WWOX: variants seen among roughly 807,000 people sequenced by gnomAD.
The protein encoded by WWOX is WW domain-containing oxidoreductase.
Under a neutral mutation model 46.2 loss-of-function variants are expected in WWOX, and 69 were observed. That is an observed-to-expected ratio of 1.49 (90% CI 1.23 to 1.82). The LOEUF is 1.82. Among genes scored for constraint, WWOX ranks in the 40% most tolerant of loss-of-function variants. The pLI, the probability that WWOX is intolerant of heterozygous loss-of-function variation, is 0.00. For missense variants in WWOX, 919 were observed against 542.6 expected, an observed-to-expected ratio of 1.69 and a Z score of -6.89; for synonymous variants, 359 against 202.6, an observed-to-expected ratio of 1.77 and a Z score of -6.56.
At chr16:78,144,594 T>C (rs1359802332) in intron 4 of WWOX, among the ~76,000 whole-genome samples, 4 of 144,096 alleles carry the variant, frequency 2.8e-5, no homozygotes, top group Non-Finnish European at 4.5e-5. Context: ...CGATCTGAGC[T>C]CACTGCAACC....
At chr16:78,406,346 A>G (rs1333079404) in intron 6 of WWOX, among the ~76,000 whole-genome samples, 1 of 80,432 alleles carries the variant, frequency 1.2e-5, no homozygotes, top group South Asian at 3.2e-4. Flanking sequence ...ATATATATAT[A>G]TATATATATT....
intron 8 of WWOX, among the ~76,000 whole-genome samples, chr16:78,718,985 G>T (rs531412514): frequency 1.2e-3 from 176 of 152,144 alleles, no homozygotes; most frequent in African/African-American, 3.8e-3. Context: ...TTTTGAGTCT[G>T]TAAGATCCCA....
chr16:78,923,340 A>G (rs1199496927), intron 8 of WWOX, among the ~76,000 whole-genome samples: 1 of 152,122 alleles, frequency 6.6e-6, no homozygotes, highest in Non-Finnish European at 1.5e-5. Context: ...TCACCAGAAT[A>G]TCATCATTAT....
intron 5 of WWOX, among the ~76,000 whole-genome samples, chr16:78,330,783 A>G (rs942674720): frequency 2.0e-5 from 3 of 152,164 alleles, no homozygotes; most frequent in African/African-American, 7.2e-5. Context: ...TCTTTCAGTC[A>G]CCCTCAAAGG....
chr16:78,478,052 C>T (rs1043835617), intron 8 of WWOX, among the ~76,000 whole-genome samples: 3 of 151,980 alleles, frequency 2.0e-5, no homozygotes, highest in Non-Finnish European at 4.4e-5. Context: ...AAGAAATATT[C>T]GTAATCAATA....
chr16:78,315,502 T>A (rs1344494520), intron 5 of WWOX, among the ~76,000 whole-genome samples: 1 of 151,892 alleles, frequency 6.6e-6, no homozygotes. Context: ...ATATAAAAAT[T>A]GGCTGGGCAT....
chr16:78,244,107 C>T (rs1283004550), intron 5 of WWOX, among the ~76,000 whole-genome samples: 1 of 152,190 alleles, frequency 6.6e-6, no homozygotes, highest in Non-Finnish European at 1.5e-5. Flanking sequence ...TCTTGGCTCT[C>T]CTGTTTTCTG....
At chr16:78,377,328 T>A (rs1458664740) in intron 5 of WWOX, among the ~76,000 whole-genome samples, 4 of 152,234 alleles carry the variant, frequency 2.6e-5, no homozygotes, top group African/African-American at 9.6e-5. Flanking sequence ...TGCTGAAGGA[T>A]TCTTTATCAT....
intron 8 of WWOX, among the ~76,000 whole-genome samples, chr16:78,873,784 C>T (rs772710634): frequency 6.6e-6 from 1 of 152,024 alleles, no homozygotes; most frequent in Admixed American, 6.6e-5. Context: ...GAGACCCTGC[C>T]TCAAAAAGTA....
chr16:79,107,517 G>T (rs2049334709), intron 8 of WWOX, among the ~76,000 whole-genome samples: 1 of 152,222 alleles, frequency 6.6e-6, no homozygotes, highest in Non-Finnish European at 1.5e-5. Context: ...AGCACAGTGT[G>T]AAATGACTGC....
intron 8 of WWOX, among the ~76,000 whole-genome samples, chr16:78,478,338 G>T (rs1023900636): frequency 6.6e-6 from 1 of 152,100 alleles, no homozygotes; most frequent in African/African-American, 2.4e-5. Context: ...TCCCTTAAAT[G>T]ATGTTTTTAA....
chr16:78,403,663 G>A (rs539840960), intron 6 of WWOX, among the ~76,000 whole-genome samples: 1 of 152,158 alleles, frequency 6.6e-6, no homozygotes, highest in Non-Finnish European at 1.5e-5. Context: ...CATCCCCCCT[G>A]TGCCAGGCCC....
chr16:78,581,186 C>A (rs1392380110), intron 8 of WWOX, among the ~76,000 whole-genome samples: 3 of 151,944 alleles, frequency 2.0e-5, no homozygotes, highest in African/African-American at 7.3e-5. Context: ...CAATTCTGAT[C>A]TTATAAAGGA....
chr16:78,736,949 C>A (rs1176040933), intron 8 of WWOX, among the ~76,000 whole-genome samples: 2 of 151,904 alleles, frequency 1.3e-5, no homozygotes, highest in South Asian at 2.1e-4. Flanking sequence ...TGCGTTATTG[C>A]CTTAGTCACA....
intron 8 of WWOX, among the ~76,000 whole-genome samples, chr16:78,696,506 G>A (rs1377808053): frequency 6.6e-6 from 1 of 152,030 alleles, no homozygotes; most frequent in Non-Finnish European, 1.5e-5. Flanking sequence ...GTAATACGTG[G>A]TAGGATACTC....
chr16:78,924,345 T>C (rs2045449845), intron 8 of WWOX, among the ~76,000 whole-genome samples: 1 of 152,158 alleles, frequency 6.6e-6, no homozygotes, highest in Non-Finnish European at 1.5e-5. Flanking sequence ...GTTTGAAAAA[T>C]GGAGCTTGCT....
chr16:79,120,435 C>T (rs950725536), intron 8 of WWOX, among the ~76,000 whole-genome samples: 18 of 152,144 alleles, frequency 1.2e-4, no homozygotes, highest in Non-Finnish European at 2.1e-4. Context: ...GAAGTTTAGG[C>T]GCCCCTCCTG....
At chr16:78,732,721 G>C (rs775134158) in intron 8 of WWOX, among the ~76,000 whole-genome samples, 1 of 152,028 alleles carries the variant, frequency 6.6e-6, no homozygotes, top group Non-Finnish European at 1.5e-5. Context: ...AACTCCCTTG[G>C]TTAATTTAAA....
In WWOX at chr16:78,886,378, G is replaced by A. The variant is rs985040476; in HGVS notation, c.1057-325230G>A. 2.0e-5 allele frequency among the ~76,000 whole-genome samples: 3 copies of A among 151,298 alleles called. No homozygotes were observed. The East Asian group carries it at 5.8e-4, about 29-fold the overall frequency. On this transcript the variant is annotated intron_variant, in intron 8 of 8. Coordinates refer to ENST00000566780, the MANE Select transcript of WWOX (RefSeq NM_016373.4). ...TTTATTTACTCAATATTAATTATAT[G>A]AGAAATAAATCCTAAATGTAATTTT...
Sources: allele counts gnomAD v4.1 joint callset (sites outside exome capture counted in the v4.1 genomes callset), GRCh38; gene constraint gnomAD v4.1.1; transcripts MANE v1.5; gene names NCBI Gene and HGNC (gene_info 2026-07-23, HGNC 2026-07-21).